The following NUP205 variants were observed in gnomAD, a reference collection of about 807,000 sequenced individuals.
NUP205 encodes the protein nuclear pore complex protein Nup205.
A neutral mutation model predicts 253.8 loss-of-function variants in NUP205; 76 were observed. The ratio of observed to expected loss-of-function variants is 0.30; its 90% CI spans 0.25 to 0.36. NUP205 has a LOEUF of 0.36. Among genes scored for constraint, NUP205 ranks in the 10% least tolerant of loss-of-function variants. The probability of loss-of-function intolerance (pLI) is 1.00; values close to 1 mark genes in which losing one functional copy is unlikely to be tolerated. For synonymous variants in NUP205, 832 were observed against 850.1 expected (o/e 0.98, Z 0.37); for missense variants, 2,162 against 2,425.5 (o/e 0.89, Z 2.28).
chr7:135,625,677 A>G (rs1413005741), intron 32 of NUP205, among the ~76,000 whole-genome samples: 2 of 152,210 alleles, frequency 1.3e-5, no homozygotes, highest in Admixed American at 6.5e-5. Context: ...GTAGTTGCCT[A>G]TTGAAAATTT....
At chr7:135,578,999 A>G in intron 7 of NUP205, 84 bp downstream of exon 7, 3 of 1,037,598 alleles carry the variant, frequency 2.9e-6, no homozygotes, top group East Asian at 2.5e-5. Context: ...TATCTTTGAC[A>G]TACATAAGCA....
chr7:135,570,807 AT>A (rs1315506863), intron 1 of NUP205, among the ~76,000 whole-genome samples: 1 of 99,668 alleles, frequency 1.0e-5, no homozygotes, highest in African/African-American at 5.3e-5. Context: ...ATATTAATAT[AT>A]ATTAATTATA....
chr7:135,635,457 T>C (rs1459846424), intron 35 of NUP205, 124 bp from the exon 36 acceptor site: 2 of 526,652 alleles, frequency 3.8e-6, no homozygotes, highest in East Asian at 6.4e-5. Context: ...TTCTCAAAAC[T>C]TTTTTATGGC....
chr7:135,597,122 GA>G, intron 13 of NUP205: 1 of 416,022 alleles, frequency 2.4e-6, no homozygotes, highest in East Asian at 3.6e-5. Context: ...GAAATTTGCT[GA>G]AAAAATGTCT....
At chr7:135,564,239 C>G (rs1373394018) in intron 1 of NUP205, among the ~76,000 whole-genome samples, 1 of 147,700 alleles carries the variant, frequency 6.8e-6, no homozygotes, top group Non-Finnish European at 1.5e-5. Flanking sequence ...GCCACCATGC[C>G]CAGCTATTTT....
At chr7:135,642,270 G>T (rs973933298) in intron 38 of NUP205, among the ~76,000 whole-genome samples, 1 of 148,738 alleles carries the variant, frequency 6.7e-6, no homozygotes, top group Non-Finnish European at 1.5e-5. Context: ...AAAAAAAAAA[G>T]AAATTGCCAC....
intron 30 of NUP205, among the ~76,000 whole-genome samples, chr7:135,621,684 A>G (rs4500033): frequency 0.98 from 149,744 of 152,286 alleles, 73,667 homozygotes; most frequent in Middle Eastern, 1. Context: ...TTTTTATAAT[A>G]GGTGTGCTTT....
At chr7:135,598,583 A>G (rs767071120) in intron 15 of NUP205, among the ~76,000 whole-genome samples, 1 of 152,228 alleles carries the variant, frequency 6.6e-6, no homozygotes, top group African/African-American at 2.4e-5. Flanking sequence ...GTTTCTATTG[A>G]TTAGTGGCAC....
intron 42 of NUP205, among the ~76,000 whole-genome samples, 191 bp downstream of exon 42, chr7:135,646,422 GGTGGCA>G (rs1413533584): frequency 6.6e-6 from 1 of 152,156 alleles, no homozygotes; most frequent in East Asian, 1.9e-4. Context: ...GGCATACTGT[GGTGGCA>G]TGCACCTGTA....
In NUP205 at chr7:135,622,864, A is replaced by G. The variant is rs1186646436; in HGVS notation, c.4418A>G (p.Tyr1473Cys). 1 of 1,614,136 alleles carries G rather than the reference A, an allele frequency of 6.2e-7. No individual in the cohort carries two copies. Among genetic ancestry groups the G allele is most frequent in the Non-Finnish European group, 8.5e-7 (1 of 1,180,008 alleles). Residue 1473 changes from tyrosine (Y) to cysteine (C), a missense_variant, in exon 31 of 43, where the codon TAT (tyrosine) becomes TGT (cysteine). Physicochemically the swap from Tyr to Cys is radical, Grantham distance 194. Around this residue, in one of 5 missense-constraint regions of NUP205, gnomAD observed 1,144 missense variants for 1,280.9 expected, o/e 0.89. Transcript: ENST00000285968. The part of the protein sequence containing the change: ...QRENIAIIES[Y>C]GAALMEVVCR... ...GAAAACATAGCCATTATTGAAAGTTATGGCGCCGCCCTCATGGAAGTGGTC... is the reference window on the plus strand; with the variant it reads ...GAAAACATAGCCATTATTGAAAGTTGTGGCGCCGCCCTCATGGAAGTGGTC...
intron 22 of NUP205, among the ~76,000 whole-genome samples, chr7:135,608,337 T>G (rs1203783135): frequency 6.6e-6 from 1 of 152,176 alleles, no homozygotes. Flanking sequence ...AAGCACTTTT[T>G]AATAACCAAA....
At chr7:135,637,585 T>G (rs530278739) in intron 36 of NUP205, among the ~76,000 whole-genome samples, 3 of 152,226 alleles carry the variant, frequency 2.0e-5, no homozygotes, top group Non-Finnish European at 4.4e-5. Context: ...CTCATTTTGC[T>G]TCTCTTTTGT....
chr7:135,614,025 T>C lies in NUP205; in HGVS notation c.3196-134T>C, dbSNP rs1251177339. 7 of 538,486 alleles carry C rather than the reference T, an allele frequency of 1.3e-5. No homozygotes were observed. In the Admixed American group the frequency reaches 2.5e-4, roughly 19 times the overall value. The allele number at this position is 538,486 out of a possible 1,614,324, so 33.4% of individuals were successfully genotyped here. On this transcript the variant is annotated intron_variant, in intron 22 of 42. Transcript: ENST00000285968. Reference sequence around the variant, plus strand: ...ACTCTGAGCTTATGTTTTGTGCATCTGTTTGTCCATTTTACTTGAGTTGTT... The same window carrying C: ...ACTCTGAGCTTATGTTTTGTGCATCCGTTTGTCCATTTTACTTGAGTTGTT...
At chr7:135,612,069 G>A (rs551411022) in intron 22 of NUP205, among the ~76,000 whole-genome samples, 167 of 152,166 alleles carry the variant, frequency 1.1e-3, no homozygotes, top group African/African-American at 3.4e-3. Flanking sequence ...GCAGTGAGCC[G>A]AGATCGCGCC....
intron 12 of NUP205, among the ~76,000 whole-genome samples, chr7:135,593,750 C>G (rs941345957): frequency 1.3e-5 from 2 of 152,096 alleles, no homozygotes; most frequent in African/African-American, 4.8e-5. Flanking sequence ...AAGTTTTTGG[C>G]TTTTCTAATA....
At position 135,628,127 on chromosome 7, in the gene NUP205, T is replaced by C; in HGVS notation, c.4932+16T>C. 5 of 1,604,890 alleles carry C rather than the reference T, an allele frequency of 3.1e-6. No individual in the cohort carries two copies. Among genetic ancestry groups the C allele is most frequent in the Non-Finnish European group, 4.3e-6 (5 of 1,175,150 alleles). On this transcript the variant is annotated intron_variant, in intron 34 of 42. Coordinates refer to ENST00000285968, the MANE Select transcript of NUP205 (RefSeq NM_015135.3). ...AGCAGGGCAGGTAAGGTGAACCCTT[T>C]GTTTAGATATTGTCTAGAGCAAAAT... is the stretch of plus-strand genomic sequence containing the variant.
chr7:135,607,137 T>C lies in NUP205; in HGVS notation c.3071-110T>C, dbSNP rs538396771. ...TTTCTGTTATCAGTATTTGAAAGAG[T>C]GTTTACAGTACAGCATATATTTAAA... On this transcript the variant is annotated intron_variant, in intron 21 of 42. Transcript: ENST00000285968. 6 of 1,337,704 alleles carry C rather than the reference T, an allele frequency of 4.5e-6. No individual in the cohort carries two copies. In the South Asian group the frequency reaches 8.6e-5, roughly 19 times the overall value. 82.9% of individuals were successfully genotyped at this position (1,337,704 alleles called of 1,614,324 possible).
At chr7:135,558,439 C>CCT (rs1805493153) in intron 1 of NUP205, among the ~76,000 whole-genome samples, 1 of 152,158 alleles carries the variant, frequency 6.6e-6, no homozygotes, top group African/African-American at 2.4e-5. Context: ...ATTATGAAGT[C>CCT]GGCCATCTGA....
At chr7:135,597,213 A>G in intron 13 of NUP205, 155 bp from the exon 14 acceptor site, 2 of 503,656 alleles carry the variant, frequency 4.0e-6, no homozygotes, top group Non-Finnish European at 7.2e-6. Flanking sequence ...ACTGCTAATG[A>G]AAGTCCATCC....
Sources: gnomAD v4.1 joint callset for allele counts (sites outside exome capture counted in the v4.1 genomes callset) on GRCh38, gnomAD v4.1.1 for gene constraint, gnomAD v4.1.1 regional missense constraint, MANE v1.5 for transcripts, NCBI Gene and HGNC (gene_info 2026-07-23, HGNC 2026-07-21) for gene names.